Variants in MEIKIN observed in about 807,000 individuals in gnomAD.
MEIKIN encodes the protein meiotic kinetochore factor.
At chr5:131,890,396 C>T (rs983787361) in intron 8 of MEIKIN, among the ~76,000 whole-genome samples, 60 of 152,290 alleles carry the variant, frequency 3.9e-4, no homozygotes, top group Middle Eastern at 3.4e-3. Flanking sequence ...TTGGTCTACT[C>T]AGAGATTCAA....
intron 11 of MEIKIN, among the ~76,000 whole-genome samples, chr5:131,838,980 G>A (rs911569526): frequency 6.6e-6 from 1 of 152,048 alleles, no homozygotes; most frequent in African/African-American, 2.4e-5. Context: ...ATTTTTTGAT[G>A]TGTTCATTCA....
At chr5:131,849,888 T>C (rs2149614558) in intron 11 of MEIKIN, among the ~76,000 whole-genome samples, 1 of 152,090 alleles carries the variant, frequency 6.6e-6, no homozygotes, top group African/African-American at 2.4e-5. Context: ...TAAAATTATC[T>C]CTGTTCACAG....
intron 3 of MEIKIN, among the ~76,000 whole-genome samples, chr5:131,943,727 C>A (rs490054): frequency 6.6e-6 from 1 of 151,984 alleles, no homozygotes; most frequent in East Asian, 1.9e-4. Context: ...GACTACTTTA[C>A]ACTGTTAAAC....
At chr5:131,894,004 T>C (rs1750987621) in intron 8 of MEIKIN, among the ~76,000 whole-genome samples, 1 of 152,172 alleles carries the variant, frequency 6.6e-6, no homozygotes, top group Non-Finnish European at 1.5e-5. Flanking sequence ...ATTGCCTAGG[T>C]TTTCTTCTAA....
At chr5:131,899,001 T>C (rs1270484768) in intron 8 of MEIKIN, among the ~76,000 whole-genome samples, 1 of 152,196 alleles carries the variant, frequency 6.6e-6, no homozygotes, top group African/African-American at 2.4e-5. Context: ...TTACCCATCT[T>C]CTGTGTCGAT....
chr5:131,931,088 C>T (rs1751681658), intron 5 of MEIKIN, among the ~76,000 whole-genome samples: 1 of 152,186 alleles, frequency 6.6e-6, no homozygotes, highest in Non-Finnish European at 1.5e-5. Flanking sequence ...AGCCACTTCT[C>T]CCAGTCTGGC....
At chr5:131,815,993 T>C (rs1420349831) in intron 12 of MEIKIN, among the ~76,000 whole-genome samples, 1 of 152,262 alleles carries the variant, frequency 6.6e-6, no homozygotes, top group Non-Finnish European at 1.5e-5. Flanking sequence ...TATCATATGA[T>C]GTACAATGTA....
chr5:131,943,191 A>C (rs2149656522), intron 3 of MEIKIN, among the ~76,000 whole-genome samples: 1 of 152,320 alleles, frequency 6.6e-6, no homozygotes, highest in African/African-American at 2.4e-5. Context: ...AATGGCCAAT[A>C]ATTTGAGAAA....
In MEIKIN at chr5:131,917,990, C is replaced by T. The variant is rs112606120; in HGVS notation, c.599-1065G>A. Among the ~76,000 whole-genome samples the T allele has an allele frequency of 6.3e-3, 953 of 152,178 alleles. 7 individuals are homozygous for T. The highest frequency in any genetic ancestry group is 0.022 in the African/African-American group (904 of 41,522). On this transcript the variant is annotated intron_variant, in intron 6 of 12. Transcript: ENST00000442687. Reference sequence around the variant, plus strand: ...GCCTATAACTCAATGCTGTGAGAGCCCTGCATCTCGCTGGACAAAGTGACT... The same window carrying T: ...GCCTATAACTCAATGCTGTGAGAGCTCTGCATCTCGCTGGACAAAGTGACT...
chr5:131,909,952 C>CCT (rs1415472904), intron 8 of MEIKIN, among the ~76,000 whole-genome samples: 2 of 152,040 alleles, frequency 1.3e-5, no homozygotes, highest in Non-Finnish European at 2.9e-5. Context: ...AAAAGGGAAC[C>CCT]CTCGTATACT....
chr5:131,928,434 T>C (rs1751627108), intron 5 of MEIKIN, among the ~76,000 whole-genome samples: 2 of 152,202 alleles, frequency 1.3e-5, no homozygotes, highest in South Asian at 4.1e-4. Context: ...GAATTTTGTT[T>C]GTGTTGACCA....
intron 4 of MEIKIN, among the ~76,000 whole-genome samples, chr5:131,942,271 A>T (rs1751880826): frequency 6.6e-6 from 1 of 152,204 alleles, no homozygotes; most frequent in African/African-American, 2.4e-5. Flanking sequence ...GCTCAGTCCC[A>T]TGTTAGAGCT....
At chr5:131,880,545 C>T (rs942514327) in intron 8 of MEIKIN, among the ~76,000 whole-genome samples, 3 of 152,158 alleles carry the variant, frequency 2.0e-5, no homozygotes, top group Non-Finnish European at 2.9e-5. Context: ...CCCGGTCCAG[C>T]TTTTCTTTAT....
chr5:131,942,752 T>A (rs972405317), intron 3 of MEIKIN, 57 bp from the exon 4 acceptor site: 4 of 396,692 alleles, frequency 1.0e-5, no homozygotes, highest in Non-Finnish European at 1.8e-5. Flanking sequence ...CATTTCTATA[T>A]TATAATCTTG....
intron 11 of MEIKIN, among the ~76,000 whole-genome samples, chr5:131,848,965 C>T (rs1218024004): frequency 6.6e-6 from 1 of 152,170 alleles, no homozygotes; most frequent in African/African-American, 2.4e-5. Flanking sequence ...GAAAAAACAA[C>T]TGATCTTCTC....
intron 12 of MEIKIN, among the ~76,000 whole-genome samples, chr5:131,811,003 T>C (rs1772942606): frequency 6.6e-6 from 1 of 152,170 alleles, no homozygotes; most frequent in African/African-American, 2.4e-5. Context: ...AGCTTGGTGC[T>C]TTGCTATTTT....
At chr5:131,945,099 G>A (rs1438602057) in intron 2 of MEIKIN, 57 bp downstream of exon 2, 6 of 398,974 alleles carry the variant, frequency 1.5e-5, no homozygotes, top group East Asian at 1.4e-4. Context: ...AGAAAATTCG[G>A]CTTGAAGTTT....
At chr5:131,915,645 C>G (rs1751405097) in intron 7 of MEIKIN, among the ~76,000 whole-genome samples, 1 of 152,090 alleles carries the variant, frequency 6.6e-6, no homozygotes, top group Admixed American at 6.5e-5. Flanking sequence ...ATTCTCAGGA[C>G]TATGGAATGG....
intron 9 of MEIKIN, among the ~76,000 whole-genome samples, chr5:131,866,528 C>G (rs904435694): frequency 4.6e-5 from 7 of 152,144 alleles, no homozygotes; most frequent in Non-Finnish European, 8.8e-5. Context: ...TTGCTTCCCC[C>G]GGGAACAGCC....
Sources: gnomAD v4.1 joint callset for allele counts (sites outside exome capture counted in the v4.1 genomes callset) on GRCh38, gnomAD v4.1.1 for gene constraint, MANE v1.5 for transcripts, NCBI Gene and HGNC (gene_info 2026-07-23, HGNC 2026-07-21) for gene names.